The following ATP8B1 variants were observed in gnomAD, a reference collection of about 807,000 sequenced individuals.
The protein encoded by ATP8B1 is phospholipid-transporting ATPase IC.
A neutral mutation model predicts 149.9 loss-of-function variants in ATP8B1; 80 were observed. The ratio of observed to expected loss-of-function variants is 0.53; its 90% confidence interval spans 0.45 to 0.64. The LOEUF (loss-of-function observed/expected upper bound fraction) is 0.64. Among genes scored for constraint, ATP8B1 ranks in the 30% least tolerant of loss-of-function variants. ATP8B1 has a pLI of 0.00. For synonymous variants in ATP8B1, 536 were observed against 562.8 expected (o/e 0.95, Z 0.67); for missense variants, 1,247 against 1,552.6 (o/e 0.80, Z 3.31).
intron 1 of ATP8B1, among the ~76,000 whole-genome samples, chr18:57,777,281 C>T (rs572559330): frequency 5.9e-5 from 9 of 152,246 alleles, no homozygotes; most frequent in African/African-American, 2.2e-4. Flanking sequence ...CCTAGCCAGG[C>T]TAATTTCTTA....
At chr18:57,775,778 G>T (rs1261599188) in intron 1 of ATP8B1, among the ~76,000 whole-genome samples, 1 of 151,678 alleles carries the variant, frequency 6.6e-6, no homozygotes, top group Non-Finnish European at 1.5e-5. Context: ...CCAAGTAGCT[G>T]AGATTACAGA....
chr18:57,785,873 C>T (rs2080403208), intron 1 of ATP8B1, among the ~76,000 whole-genome samples: 1 of 152,160 alleles, frequency 6.6e-6, no homozygotes, highest in South Asian at 2.1e-4. Context: ...CTTGGTTATT[C>T]TCCTCTGGCA....
At chr18:57,747,470 GAGAA>G (rs1426838408) in intron 1 of ATP8B1, among the ~76,000 whole-genome samples, 8 of 142,840 alleles carry the variant, frequency 5.6e-5, no homozygotes, top group African/African-American at 1.0e-4. Context: ...AAAAAAAAAA[GAGAA>G]AGAAAGAAAA....
At chr18:57,781,408 T>A (rs2123416872) in intron 1 of ATP8B1, among the ~76,000 whole-genome samples, 1 of 152,350 alleles carries the variant, frequency 6.6e-6, no homozygotes, top group East Asian at 1.9e-4. Flanking sequence ...CAGAACCACC[T>A]GTTTTTGAGC....
chr18:57,666,640 A>C (rs1441286393), intron 20 of ATP8B1, among the ~76,000 whole-genome samples: 3 of 150,812 alleles, frequency 2.0e-5, no homozygotes, highest in Non-Finnish European at 4.4e-5. Flanking sequence ...GGTTCAAGTG[A>C]TTCTCCTGCC....
intron 22 of ATP8B1, among the ~76,000 whole-genome samples, chr18:57,659,501 C>T (rs529655853): frequency 6.6e-6 from 1 of 152,140 alleles, no homozygotes; most frequent in South Asian, 2.1e-4. Context: ...TACTTTATAA[C>T]TGAATAAAAA....
At chr18:57,745,503 C>T (rs1006750132) in intron 1 of ATP8B1, among the ~76,000 whole-genome samples, 1 of 152,060 alleles carries the variant, frequency 6.6e-6, no homozygotes, top group African/African-American at 2.4e-5. Context: ...AACTCCTGAC[C>T]TCAGGCGATC....
chr18:57,679,099 C>T (rs1305495902), intron 15 of ATP8B1, among the ~76,000 whole-genome samples: 32 of 145,918 alleles, frequency 2.2e-4, no homozygotes, highest in African/African-American at 6.8e-4. Context: ...GGCATGGTGG[C>T]GGGTGCCTGT....
At chr18:57,728,765 G>T (rs1233523106) in intron 2 of ATP8B1, among the ~76,000 whole-genome samples, 1 of 149,830 alleles carries the variant, frequency 6.7e-6, no homozygotes, top group Admixed American at 6.7e-5. Context: ...TGTCACCCAG[G>T]ATGGCGTGTA....
intron 1 of ATP8B1, among the ~76,000 whole-genome samples, chr18:57,799,210 G>A (rs1293432266): frequency 5.3e-5 from 8 of 152,164 alleles, no homozygotes; most frequent in African/African-American, 1.2e-4. Context: ...TGAGGCCTGC[G>A]TTCCAACCCA....
intron 1 of ATP8B1, among the ~76,000 whole-genome samples, chr18:57,790,865 C>T (rs1173470924): frequency 6.6e-6 from 1 of 152,008 alleles, no homozygotes; most frequent in African/African-American, 2.4e-5. Flanking sequence ...GGATTACAGG[C>T]ACGCACCACC....
At chr18:57,667,483 T>C (rs1235067125) in intron 19 of ATP8B1, 2 of 317,402 alleles carry the variant, frequency 6.3e-6, no homozygotes, top group Admixed American at 4.6e-5. Flanking sequence ...TACCTAGTAA[T>C]GATATTTTTT....
chr18:57,705,845 C>T (rs1913362217), intron 3 of ATP8B1, among the ~76,000 whole-genome samples: 2 of 152,100 alleles, frequency 1.3e-5, no homozygotes, highest in Admixed American at 1.3e-4. Context: ...AACATTTAAG[C>T]CCACACTTAA....
chr18:57,682,288 G>A (rs1194681605), intron 15 of ATP8B1, among the ~76,000 whole-genome samples: 1 of 152,184 alleles, frequency 6.6e-6, no homozygotes, highest in African/African-American at 2.4e-5. Flanking sequence ...ACAGGTGTAA[G>A]CCACCGCGCC....
Position 57,662,594 on chromosome 18 carries a change from C to T in ATP8B1, c.2307G>A (p.Met769Ile), listed in dbSNP as rs745718861. The change falls in exon 21 of 28, where the codon ATG becomes ATA. Residue 769 changes from methionine (M) to isoleucine (I), a missense_variant. By Grantham distance (10) the Met-to-Ile change is conservative. Coordinates refer to ENST00000648908, the MANE Select transcript of ATP8B1 (RefSeq NM_001374385.1). ...EDINSLLHAR[M>I]ENQRNRGGVY... Reference sequence around the variant, plus strand: ...CGCCACCTCTATTCCTCTGGTTTTCCATCCTTGCATGAAGAAGAGAACTAG... The same window carrying T: ...CGCCACCTCTATTCCTCTGGTTTTCTATCCTTGCATGAAGAAGAGAACTAG... 6.2e-7 allele frequency: 1 copy of T among 1,614,106 alleles called. No individual in the cohort carries two copies. The highest frequency in any genetic ancestry group is 1.1e-5 in the South Asian group (1 of 91,078).
rs71171079 is a variant in ATP8B1, at chr18:57,736,453, G to GTTTTTTTTTTT, written c.-25-4632_-25-4622dup. Among the ~76,000 whole-genome samples the GTTTTTTTTTTT allele has an allele frequency of 2.9e-5, 2 of 70,142 alleles. 1 individual carries two copies. The allele number at this position is 70,142 out of a possible 152,430, so 46.0% of individuals were successfully genotyped here. On this transcript the variant is annotated intron_variant, in intron 1 of 27. Coordinates refer to ENST00000648908, the MANE Select transcript of ATP8B1 (RefSeq NM_001374385.1). ...TTTCTTCTAGTATAAAGTTTTACTAGTTTTTTTTTTTTTTTTTTTTTTTTG... is the reference window on the plus strand; with the variant it reads ...TTTCTTCTAGTATAAAGTTTTACTAGTTTTTTTTTTTTTTTTTTTTTTTTTTTTTTTTTTTG...
At chr18:57,651,207 G>A (rs1609692) in intron 26 of ATP8B1, among the ~76,000 whole-genome samples, 69,833 of 151,948 alleles carry the variant, frequency 0.46, 16,414 homozygotes, top group East Asian at 0.52. Flanking sequence ...CCTGGGCTCA[G>A]GTGTCCTCCT....
At chr18:57,674,731 A>G (rs1274165819) in intron 16 of ATP8B1, 103 bp downstream of exon 16, 41 of 1,341,108 alleles carry the variant, frequency 3.1e-5, no homozygotes, top group Non-Finnish European at 3.5e-5. Context: ...CCAGGAGCCA[A>G]GTAGCTCTTT....
chr18:57,759,799 A>T (rs1204108946), intron 1 of ATP8B1, among the ~76,000 whole-genome samples: 1 of 151,070 alleles, frequency 6.6e-6, no homozygotes, highest in Non-Finnish European at 1.5e-5. Flanking sequence ...AGCCTGGGAG[A>T]CAGAGCGAGA....
Sources: gnomAD v4.1 joint callset for allele counts (sites outside exome capture counted in the v4.1 genomes callset) on GRCh38, gnomAD v4.1.1 for gene constraint, MANE v1.5 for transcripts, NCBI Gene and HGNC (gene_info 2026-07-23, HGNC 2026-07-21) for gene names.